KANK1: variants seen among roughly 807,000 people sequenced by gnomAD.
KANK1 encodes the protein KN motif and ankyrin repeat domains 1, also known as KN motif and ankyrin repeat domain-containing protein 1.
A neutral mutation model predicts 106.2 loss-of-function variants in KANK1; 109 were observed. The observed-to-expected ratio is 1.03, with a 90% CI of 0.88 to 1.20. The LOEUF (loss-of-function observed/expected upper bound fraction) is 1.20. Among genes scored for constraint, KANK1 ranks in the 50% most tolerant of loss-of-function variants. KANK1 has a pLI of 0.00. For missense variants in KANK1, 2,399 were observed against 1,710.7 expected, an observed-to-expected ratio of 1.40 and a Z score of -7.10; for synonymous variants, 873 against 652.2, an observed-to-expected ratio of 1.34 and a Z score of -5.16.
intron 2 of KANK1, among the ~76,000 whole-genome samples, chr9:703,015 G>A (rs576786691): frequency 1.4e-4 from 21 of 152,026 alleles, no homozygotes; most frequent in African/African-American, 4.6e-4. Context: ...TTTTTCAGAC[G>A]GAGTCTCTCT....
At chr9:618,575 T>C (rs1021111120) in intron 1 of KANK1, among the ~76,000 whole-genome samples, 3 of 152,170 alleles carry the variant, frequency 2.0e-5, no homozygotes, top group Non-Finnish European at 2.9e-5. Context: ...CGGAACAATT[T>C]TTTTTAAAGC....
intron 1 of KANK1, among the ~76,000 whole-genome samples, chr9:584,009 A>G (rs1265379436): frequency 1.3e-5 from 2 of 152,194 alleles, no homozygotes; most frequent in African/African-American, 2.4e-5. Flanking sequence ...GGGCAAATTA[A>G]CAATATCAGA....
At chr9:702,892 C>G (rs1823035798) in intron 2 of KANK1, among the ~76,000 whole-genome samples, 1 of 152,156 alleles carries the variant, frequency 6.6e-6, no homozygotes, top group Non-Finnish European at 1.5e-5. Context: ...ACCTTGTCTT[C>G]AGAACTCATC....
chr9:635,669 C>G (rs979453592), intron 1 of KANK1, among the ~76,000 whole-genome samples: 12 of 149,940 alleles, frequency 8.0e-5, no homozygotes, highest in Non-Finnish European at 1.2e-4. Flanking sequence ...GTCCCTTCAT[C>G]CATTTACCCA....
chr9:654,844 A>C (rs1010898892), intron 1 of KANK1, among the ~76,000 whole-genome samples: 2 of 145,726 alleles, frequency 1.4e-5, no homozygotes, highest in African/African-American at 5.1e-5. Context: ...AGAGAGAGAG[A>C]GAGATAAAGG....
intron 1 of KANK1, among the ~76,000 whole-genome samples, chr9:590,046 T>G (rs1015901910): frequency 2.0e-5 from 3 of 152,164 alleles, no homozygotes; most frequent in Admixed American, 2.0e-4. Context: ...AAACATTTCT[T>G]AATTGCTTGA....
intron 1 of KANK1, among the ~76,000 whole-genome samples, chr9:575,718 G>T (rs1226320835): frequency 6.6e-6 from 1 of 151,996 alleles, no homozygotes; most frequent in African/African-American, 2.4e-5. Context: ...AGCAAGGAAA[G>T]AATGGCTTAA....
chr9:523,040 G>A (rs979337684), intron 1 of KANK1, among the ~76,000 whole-genome samples: 26 of 151,656 alleles, frequency 1.7e-4, no homozygotes, highest in African/African-American at 5.9e-4. Context: ...ACTCATTCTC[G>A]TGGTGACCTC....
At chr9:586,240 C>T (rs1823433531) in intron 1 of KANK1, among the ~76,000 whole-genome samples, 1 of 152,158 alleles carries the variant, frequency 6.6e-6, no homozygotes, top group Non-Finnish European at 1.5e-5. Flanking sequence ...CTTCAAAGCA[C>T]AGTGAGGATG....
At chr9:568,976 G>C (rs1436427105) in intron 1 of KANK1, among the ~76,000 whole-genome samples, 1 of 152,080 alleles carries the variant, frequency 6.6e-6, no homozygotes, top group Non-Finnish European at 1.5e-5. Context: ...GCTCACTGTA[G>C]ACAGAGCTCC....
intron 3 of KANK1, among the ~76,000 whole-genome samples, chr9:485,947 T>C (rs2058287523): frequency 6.6e-6 from 1 of 151,752 alleles, no homozygotes; most frequent in South Asian, 2.1e-4. Flanking sequence ...TGGTTGAGGC[T>C]CTGATCAAGC....
Position 565,720 on chromosome 9 carries a change from A to G in KANK1, c.-84+60966A>G, listed in dbSNP as rs535376846. ...TCCAGGTGGAGTCAGCCAGTCGTCA[A>G]AAATGCAGCAGTCTGAAAAGACATC... On this transcript the variant is annotated intron_variant, in intron 1 of 11. Transcript: ENST00000382297. Among the ~76,000 whole-genome samples the G allele has an allele frequency of 1.2e-4, 19 of 152,308 alleles. No individual in the cohort carries two copies. In the South Asian group the frequency reaches 2.5e-3, roughly 20 times the overall value.
chr9:593,637 T>G (rs1825535836), intron 1 of KANK1, among the ~76,000 whole-genome samples: 1 of 151,754 alleles, frequency 6.6e-6, no homozygotes, highest in African/African-American at 2.4e-5. Context: ...CTGATTTGTT[T>G]GTGTAAATCG....
At chr9:482,765 G>T (rs183225075) in intron 3 of KANK1, among the ~76,000 whole-genome samples, 19 of 152,362 alleles carry the variant, frequency 1.2e-4, no homozygotes, top group Middle Eastern at 3.4e-3. Flanking sequence ...CGCATTTGAT[G>T]TATGAATTTG....
At chr9:488,417 G>C (rs1175118912) in intron 3 of KANK1, among the ~76,000 whole-genome samples, 1 of 152,166 alleles carries the variant, frequency 6.6e-6, no homozygotes, top group African/African-American at 2.4e-5. Context: ...ATTCATGCTG[G>C]AAAAGAAGAC....
intron 1 of KANK1, among the ~76,000 whole-genome samples, chr9:615,674 A>G (rs1455243982): frequency 6.6e-6 from 1 of 152,154 alleles, no homozygotes; most frequent in Non-Finnish European, 1.5e-5. Flanking sequence ...TGGTCTTTGC[A>G]TTTGTCCAGT....
intron 4 of KANK1, 41 bp from the exon 5 acceptor site, chr9:731,117 G>T: frequency 9.5e-7 from 1 of 1,052,590 alleles, no homozygotes; most frequent in East Asian, 2.5e-5. Context: ...TAACATGTAT[G>T]GGTGTGAGTT....
intron 9 of KANK1, among the ~76,000 whole-genome samples, chr9:741,422 C>G (rs6477184): frequency 0.59 from 87,369 of 148,876 alleles, 25,850 homozygotes; most frequent in African/African-American, 0.64. Flanking sequence ...TCCCTGGTTG[C>G]AGTGATTCTC....
chr9:552,353 G>A (rs531904138), intron 1 of KANK1, among the ~76,000 whole-genome samples: 2 of 152,134 alleles, frequency 1.3e-5, no homozygotes, highest in Admixed American at 6.5e-5. Context: ...TCAGTTAGCC[G>A]GTGATTGCCC....
Sources: gnomAD v4.1 joint callset for allele counts (sites outside exome capture counted in the v4.1 genomes callset) on GRCh38, gnomAD v4.1.1 for gene constraint, MANE v1.5 for transcripts, NCBI Gene and HGNC (gene_info 2026-07-23, HGNC 2026-07-21) for gene names.